Variants in TMEM51 observed in about 807,000 individuals in gnomAD.
TMEM51 encodes chromosome 1 open reading frame 72.
In TMEM51, 8 loss-of-function variants were observed where a neutral mutation model predicts 13.6. The observed-to-expected ratio is 0.59, with a 90% CI of 0.35 to 1.07. TMEM51 has a LOEUF of 1.07. TMEM51 is among the 50% of genes least tolerant of loss of function. The probability of loss-of-function intolerance (pLI) is 0.02; values close to 1 mark genes in which losing one functional copy is unlikely to be tolerated. For missense variants in TMEM51, 279 were observed against 330.7 expected (o/e 0.84, Z 1.21); for synonymous variants, 147 against 144.4 (o/e 1.02, Z -0.13).
intron 1 of TMEM51, among the ~76,000 whole-genome samples, chr1:15,157,424 A>G (rs895032698): frequency 1.3e-5 from 2 of 152,136 alleles, no homozygotes; most frequent in Admixed American, 6.5e-5. Flanking sequence ...TTATTTGACA[A>G]CTGGGGAGAC....
chr1:15,219,992 G>T lies in TMEM51; in HGVS notation c.*249G>T. ...GGTGAATCTGTGGACCACATTCAAG[G>T]GTGTGGCACAGGCATCTTCCCATCC... is the stretch of plus-strand genomic sequence containing the variant. On this transcript the variant is annotated 3_prime_UTR_variant, in exon 4 of 4. Coordinates refer to ENST00000376008, the MANE Select transcript of TMEM51 (RefSeq NM_001136218.2). 1 of 524,198 alleles carries T rather than the reference G, an allele frequency of 1.9e-6. No individual in the cohort carries two copies. Among genetic ancestry groups the T allele is most frequent in the Non-Finnish European group, 3.4e-6 (1 of 295,036 alleles). The allele number at this position is 524,198 out of a possible 1,614,324, so 32.5% of individuals were successfully genotyped here. A position where few individuals can be genotyped will look rare whatever the true frequency, so the allele number is the denominator to read the frequency against.
At chr1:15,184,072 A>G (rs2092505) in intron 1 of TMEM51, among the ~76,000 whole-genome samples, 84,021 of 151,528 alleles carry the variant, frequency 0.55, 24,640 homozygotes, top group East Asian at 0.9. Context: ...ACGGAGTCTC[A>G]CTTTGTCACC....
At chr1:15,156,696 G>A (rs931499278) in intron 1 of TMEM51, among the ~76,000 whole-genome samples, 5 of 152,192 alleles carry the variant, frequency 3.3e-5, no homozygotes, top group African/African-American at 1.2e-4. Flanking sequence ...CTCAGGTGGA[G>A]GGGACCTTCA....
At chr1:15,175,917 C>T (rs1482266030) in intron 1 of TMEM51, among the ~76,000 whole-genome samples, 1 of 152,224 alleles carries the variant, frequency 6.6e-6, no homozygotes, top group Non-Finnish European at 1.5e-5. Flanking sequence ...TCCCCACCTC[C>T]CCAGTCTGCT....
intron 1 of TMEM51, among the ~76,000 whole-genome samples, chr1:15,173,071 T>C (rs1643344008): frequency 6.6e-6 from 1 of 152,190 alleles, no homozygotes; most frequent in African/African-American, 2.4e-5. Context: ...AATGAGGCCA[T>C]GTGTAATAAA....
chr1:15,195,577 A>G (rs1480181795), intron 1 of TMEM51, among the ~76,000 whole-genome samples: 2 of 152,088 alleles, frequency 1.3e-5, no homozygotes, highest in Admixed American at 6.5e-5. Flanking sequence ...GTTTGCCCTC[A>G]TTCTCTAGGA....
At chr1:15,159,813 G>A (rs760688599) in intron 1 of TMEM51, among the ~76,000 whole-genome samples, 1 of 151,920 alleles carries the variant, frequency 6.6e-6, no homozygotes, top group Non-Finnish European at 1.5e-5. Flanking sequence ...CCTCGGCCTA[G>A]GCATGAACCA....
At chr1:15,155,066 G>A (rs950824812) in intron 1 of TMEM51, among the ~76,000 whole-genome samples, 42 of 152,314 alleles carry the variant, frequency 2.8e-4, no homozygotes, top group African/African-American at 9.6e-4. Flanking sequence ...TTCACACCCC[G>A]GAAACCTGTC....
chr1:15,187,135 G>A (rs956811392), intron 1 of TMEM51, among the ~76,000 whole-genome samples: 1 of 152,134 alleles, frequency 6.6e-6, no homozygotes, highest in Non-Finnish European at 1.5e-5. Flanking sequence ...TCCAGTGGGA[G>A]TGTGCGGCCC....
intron 1 of TMEM51, among the ~76,000 whole-genome samples, chr1:15,183,943 G>A (rs1344886483): frequency 1.3e-5 from 2 of 152,220 alleles, no homozygotes; most frequent in African/African-American, 2.4e-5. Context: ...GAAGGTGCAC[G>A]TGCCTCCTGC....
intron 2 of TMEM51, among the ~76,000 whole-genome samples, chr1:15,210,936 A>G (rs1446375699): frequency 6.6e-6 from 1 of 152,210 alleles, no homozygotes; most frequent in African/African-American, 2.4e-5. Flanking sequence ...ACCCATCAAG[A>G]TCACAGTCCC....
chr1:15,170,259 T>C (rs1481005842), intron 1 of TMEM51, among the ~76,000 whole-genome samples: 2 of 152,056 alleles, frequency 1.3e-5, no homozygotes, highest in Non-Finnish European at 2.9e-5. Context: ...TACAGACCCA[T>C]GAGCAAGCCA....
intron 1 of TMEM51, among the ~76,000 whole-genome samples, chr1:15,195,738 C>T (rs1248629724): frequency 6.6e-6 from 1 of 152,188 alleles, no homozygotes; most frequent in Non-Finnish European, 1.5e-5. Flanking sequence ...CAGGGTTGCA[C>T]ACCTAGTGGG....
intron 1 of TMEM51, among the ~76,000 whole-genome samples, chr1:15,154,711 T>C (rs1433973257): frequency 3.3e-5 from 5 of 152,144 alleles, no homozygotes; most frequent in African/African-American, 1.2e-4. Context: ...AATGGTCTCT[T>C]TCCCAACCAG....
chr1:15,180,044 C>T (rs1453141008), intron 1 of TMEM51, among the ~76,000 whole-genome samples: 3 of 152,188 alleles, frequency 2.0e-5, no homozygotes, highest in South Asian at 2.1e-4. Flanking sequence ...CAGATGCCTC[C>T]GCCCCAGCCC....
At chr1:15,154,365 C>A (rs1642513423) in intron 1 of TMEM51, among the ~76,000 whole-genome samples, 1 of 152,256 alleles carries the variant, frequency 6.6e-6, no homozygotes, top group Non-Finnish European at 1.5e-5. Context: ...CTCGCGCATC[C>A]CTTACTGTAT....
chr1:15,181,724 G>A (rs1557841433), intron 1 of TMEM51, among the ~76,000 whole-genome samples: 1 of 152,176 alleles, frequency 6.6e-6, no homozygotes, highest in Non-Finnish European at 1.5e-5. Context: ...TTAGTGTTTT[G>A]CCTGTGTTGT....
intron 1 of TMEM51, among the ~76,000 whole-genome samples, chr1:15,196,815 A>G (rs917775349): frequency 5.3e-5 from 8 of 152,260 alleles, no homozygotes; most frequent in African/African-American, 7.2e-5. Flanking sequence ...CAAGTCACCT[A>G]TTAATTCAGC....
rs1450792144 is a variant in TMEM51, at chr1:15,215,437, G to T, written c.344+6G>T. The T allele has an allele frequency of 1.3e-6, 2 of 1,588,786 alleles. No individual in the cohort carries two copies. The highest frequency in any genetic ancestry group is 1.7e-5 in the Admixed American group (1 of 58,936). On this transcript the variant is annotated splice_donor_region_variant and intron_variant, in intron 3 of 3. Transcript: ENST00000376008. The stretch of plus-strand genomic sequence containing the variant: ...CACGCCCAGGAGGAAGACAGGTGAG[G>T]CCTGACTGTCCCCTTCCCTCCCCGG...
Sources: gnomAD v4.1 joint callset for allele counts (sites outside exome capture counted in the v4.1 genomes callset) on GRCh38, gnomAD v4.1.1 for gene constraint, MANE v1.5 for transcripts, NCBI Gene and HGNC (gene_info 2026-07-23, HGNC 2026-07-21) for gene names.